PRXL2A: variants seen among roughly 807,000 people sequenced by gnomAD.
PRXL2A encodes the protein peroxiredoxin-like 2A.
In PRXL2A, 26 loss-of-function variants were observed where a neutral mutation model predicts 25.6. The observed-to-expected ratio is 1.02, with a 90% CI of 0.74 to 1.41. The LOEUF (loss-of-function observed/expected upper bound fraction) is 1.41. PRXL2A is among the 40% of genes most tolerant of loss of function. The pLI is 0.00. For missense variants in PRXL2A, 246 were observed against 273.9 expected (o/e 0.90, Z 0.72); for synonymous variants, 98 against 102.9 (o/e 0.95, Z 0.29).
chr10:80,411,048 G>A (rs1044400235), intron 1 of PRXL2A, among the ~76,000 whole-genome samples: 3 of 152,226 alleles, frequency 2.0e-5, no homozygotes, highest in Admixed American at 6.5e-5. Context: ...AAGGAGCAGG[G>A]CTGAGAGTTG....
chr10:80,419,089 G>A (rs7900374), intron 1 of PRXL2A, among the ~76,000 whole-genome samples: 16 of 151,994 alleles, frequency 1.1e-4, no homozygotes, highest in African/African-American at 3.1e-4. Flanking sequence ...GGGTTCAGGC[G>A]ATTCTCCTCC....
At chr10:80,431,303 T>C (rs1845250876) in intron 5 of PRXL2A, among the ~76,000 whole-genome samples, 1 of 151,936 alleles carries the variant, frequency 6.6e-6, no homozygotes, top group Admixed American at 6.5e-5. Flanking sequence ...TTTTTTTTTT[T>C]TTAAGTCTTT....
Position 80,434,654 on chromosome 10 carries a change from T to A in PRXL2A, c.*2555T>A, listed in dbSNP as rs777662148. The A allele has an allele frequency of 1.1e-4, 17 of 152,050 alleles. No homozygotes were observed. Among genetic ancestry groups the A allele is most frequent in the Non-Finnish European group, 2.4e-4 (16 of 68,012 alleles). 9.4% of individuals were successfully genotyped at this position (152,050 alleles called of 1,614,324 possible). Reference sequence around the variant, plus strand: ...GGAGGTTCAAATAGAACTAGGGAAGTGCAAAATTACAAAAAGCTGGTAAGG... The same window carrying A: ...GGAGGTTCAAATAGAACTAGGGAAGAGCAAAATTACAAAAAGCTGGTAAGG... On this transcript the variant is annotated 3_prime_UTR_variant, in exon 6 of 6. Coordinates refer to ENST00000606162, the MANE Select transcript of PRXL2A (RefSeq NM_032333.5).
intron 1 of PRXL2A, among the ~76,000 whole-genome samples, chr10:80,411,769 T>C (rs10887847): frequency 0.36 from 54,898 of 152,086 alleles, 11,356 homozygotes; most frequent in East Asian, 0.84. Flanking sequence ...AGGAGGCCCA[T>C]GTGCACTCTT....
intron 5 of PRXL2A, among the ~76,000 whole-genome samples, chr10:80,428,199 C>G (rs1845118028): frequency 1.3e-5 from 2 of 151,974 alleles, no homozygotes; most frequent in Non-Finnish European, 2.9e-5. Flanking sequence ...CAGCATGGAG[C>G]CCTAGGGGAA....
chr10:80,424,249 G>A (rs1335705072), intron 3 of PRXL2A, among the ~76,000 whole-genome samples: 1 of 151,872 alleles, frequency 6.6e-6, no homozygotes, highest in East Asian at 1.9e-4. Flanking sequence ...CACACCAGGA[G>A]TAAAGAGCCA....
chr10:80,428,121 T>C (rs1399735839), intron 5 of PRXL2A, among the ~76,000 whole-genome samples: 2 of 152,110 alleles, frequency 1.3e-5, no homozygotes, highest in Non-Finnish European at 2.9e-5. Flanking sequence ...AGGGCTGGCC[T>C]AGGAAAGGTA....
At chr10:80,414,013 G>GA in intron 1 of PRXL2A, 2 of 287,924 alleles carry the variant, frequency 6.9e-6, no homozygotes, top group South Asian at 1.2e-4. Context: ...GGGCAGTGTT[G>GA]AGGAGCCTAG....
rs541839432 is a variant in PRXL2A, at chr10:80,432,788, T to C, written c.*689T>C. On this transcript the variant is annotated 3_prime_UTR_variant, in exon 6 of 6. Transcript: ENST00000606162. ...TTGAAGATTACAAAATTTAAGGTTT[T>C]TTGGCATGTGTGTTTTCTATTAATA... is the stretch of plus-strand genomic sequence containing the variant. The C allele has an allele frequency of 6.6e-6, 1 of 152,322 alleles. No homozygotes were observed. Among genetic ancestry groups the C allele is most frequent in the East Asian group, 1.9e-4 (1 of 5,188 alleles). 9.4% of individuals were successfully genotyped at this position (152,322 alleles called of 1,614,324 possible). A position where few individuals can be genotyped will look rare whatever the true frequency, so the allele number is the denominator to read the frequency against.
At position 80,415,697 on chromosome 10, in the gene PRXL2A, G is replaced by A. The variant is rs372348121; in HGVS notation, c.-2-4769G>A. On this transcript the variant is annotated intron_variant, in intron 1 of 5. Transcript: ENST00000606162. Reference sequence around the variant, plus strand: ...GTATCATTTTATGTCCTCCCAAATCGCCATTTATTGAACAGGTCAGTACTG... The same window carrying A: ...GTATCATTTTATGTCCTCCCAAATCACCATTTATTGAACAGGTCAGTACTG... Among the ~76,000 whole-genome samples, 7 of 152,226 alleles carry A rather than the reference G, an allele frequency of 4.6e-5. No individual in the cohort carries two copies. In the East Asian group the frequency reaches 1.2e-3, roughly 25 times the overall value.
chr10:80,423,108 G>C (rs1265906938), intron 3 of PRXL2A, among the ~76,000 whole-genome samples: 1 of 152,222 alleles, frequency 6.6e-6, no homozygotes, highest in Admixed American at 6.5e-5. Context: ...TTTGGCATGA[G>C]AGTTTGTTGA....
rs73305113 is a variant in PRXL2A at position 80,434,248 on chromosome 10, G to A, written c.*2149G>A. The A allele has an allele frequency of 0.1, 15,244 of 152,144 alleles. 894 individuals carry two copies. Among genetic ancestry groups the A allele is most frequent in the African/African-American group, 0.17 (7,045 of 41,484 alleles). 9.4% of individuals were successfully genotyped at this position (152,144 alleles called of 1,614,324 possible). On this transcript the variant is annotated 3_prime_UTR_variant, in exon 6 of 6. Transcript: ENST00000606162. The stretch of plus-strand genomic sequence containing the variant: ...CCCCTGGGTCCTCACGTGCAGTGTG[G>A]TCTTCTCTTTCTGATTAGCATGTCA...
intron 1 of PRXL2A, among the ~76,000 whole-genome samples, chr10:80,418,782 G>A (rs1844756162): frequency 6.6e-6 from 1 of 152,142 alleles, no homozygotes; most frequent in South Asian, 2.1e-4. Flanking sequence ...AGGAAGGCTG[G>A]AGGTGGGGGT....
chr10:80,432,130 C>G lies in PRXL2A; in HGVS notation c.*31C>G. ...TGAAACTGCCCAGCTCAGGGATAAC[C>G]AGGGACATTCACCTGTGTTCATGGG... On this transcript the variant is annotated 3_prime_UTR_variant, in exon 6 of 6. Transcript: ENST00000606162. 1 of 1,327,724 alleles carries G rather than the reference C, an allele frequency of 7.5e-7. No individual in the cohort carries two copies. The highest frequency in any genetic ancestry group is 2.4e-4 in the Middle Eastern group (1 of 4,182). 82.2% of individuals were successfully genotyped at this position (1,327,724 alleles called of 1,614,324 possible).
chr10:80,416,065 G>A (rs1396035949), intron 1 of PRXL2A, among the ~76,000 whole-genome samples: 1 of 152,218 alleles, frequency 6.6e-6, no homozygotes, highest in Non-Finnish European at 1.5e-5. Flanking sequence ...GTGCATAAAG[G>A]TACAGAAGTT....
At chr10:80,414,443 C>T (rs34863959) in intron 1 of PRXL2A, among the ~76,000 whole-genome samples, 3 of 152,114 alleles carry the variant, frequency 2.0e-5, no homozygotes, top group Non-Finnish European at 2.9e-5. Flanking sequence ...TGGTAAATTT[C>T]CTTTAGAGTA....
At chr10:80,413,809 A>T (rs1844554094) in intron 1 of PRXL2A, 1 of 1,098,726 alleles carries the variant, frequency 9.1e-7, no homozygotes, top group African/African-American at 1.7e-5. Context: ...CCGCCTGCCC[A>T]GGCCCGTCTG....
chr10:80,417,015 AGAC>A (rs1459784787), intron 1 of PRXL2A, among the ~76,000 whole-genome samples: 3 of 152,202 alleles, frequency 2.0e-5, no homozygotes, highest in Non-Finnish European at 1.5e-5. Flanking sequence ...GTGGCCAAAG[AGAC>A]GGCTAACGCT....
At chr10:80,419,470 G>A (rs1298148707) in intron 1 of PRXL2A, among the ~76,000 whole-genome samples, 2 of 146,554 alleles carry the variant, frequency 1.4e-5, no homozygotes, top group African/African-American at 2.5e-5. Context: ...CACCACGCCC[G>A]GCTAATTTTG....
Sources: gnomAD v4.1 joint callset for allele counts (sites outside exome capture counted in the v4.1 genomes callset) on GRCh38, gnomAD v4.1.1 for gene constraint, MANE v1.5 for transcripts, NCBI Gene and HGNC (gene_info 2026-07-23, HGNC 2026-07-21) for gene names.